KALRN: variants seen among roughly 807,000 people sequenced by gnomAD.
KALRN encodes kalirin.
A neutral mutation model predicts 353.7 loss-of-function variants in KALRN; 70 were observed. The ratio of observed to expected loss-of-function variants is 0.20; its 90% confidence interval spans 0.16 to 0.24. KALRN has a LOEUF of 0.24. Among genes scored for constraint, KALRN ranks in the 10% least tolerant of loss-of-function variants. KALRN has a pLI of 1.00. For synonymous variants in KALRN, 1,391 were observed against 1,434.8 expected, an observed-to-expected ratio of 0.97 and a Z score of 0.69; for missense variants, 2,791 against 3,756.7, an observed-to-expected ratio of 0.74 and a Z score of 6.72.
intron 3 of KALRN, among the ~76,000 whole-genome samples, chr3:124,260,354 C>T (rs901158891): frequency 1.3e-5 from 2 of 152,212 alleles, no homozygotes; most frequent in Admixed American, 6.5e-5. Context: ...CCAGCCTCCA[C>T]TCATGCTCTG....
At chr3:124,124,264 G>C (rs1277964496) in intron 1 of KALRN, among the ~76,000 whole-genome samples, 2 of 152,192 alleles carry the variant, frequency 1.3e-5, no homozygotes, top group East Asian at 1.9e-4. Flanking sequence ...AGGGTTCAAG[G>C]CTTCAGTGGC....
chr3:124,225,442 C>T (rs1321273429), intron 1 of KALRN, among the ~76,000 whole-genome samples: 1 of 152,182 alleles, frequency 6.6e-6, no homozygotes, highest in African/African-American at 2.4e-5. Context: ...CTTGTGGACA[C>T]ACAACCAGGC....
intron 11 of KALRN, among the ~76,000 whole-genome samples, chr3:124,386,036 A>C (rs1032934311): frequency 1.3e-5 from 2 of 152,192 alleles, no homozygotes; most frequent in East Asian, 3.9e-4. Flanking sequence ...ACTGCTTCAC[A>C]GCCTTTTCTG....
At chr3:124,190,267 C>G (rs1468688623) in intron 1 of KALRN, among the ~76,000 whole-genome samples, 3 of 152,254 alleles carry the variant, frequency 2.0e-5, no homozygotes, top group African/African-American at 4.8e-5. Flanking sequence ...GGCTGGCCCC[C>G]CACTGCTCCC....
chr3:124,640,533 C>T (rs1280866117), intron 37 of KALRN, among the ~76,000 whole-genome samples: 1 of 152,104 alleles, frequency 6.6e-6, no homozygotes, highest in Non-Finnish European at 1.5e-5. Flanking sequence ...ATCCACCCAC[C>T]TCAGCCTCCC....
intron 20 of KALRN, 28 bp downstream of exon 20, chr3:124,446,304 C>G (rs1033788369): frequency 2.0e-6 from 3 of 1,534,262 alleles, no homozygotes; most frequent in Non-Finnish European, 2.7e-6. Flanking sequence ...CTGGCACTAT[C>G]TCAGTTCTGG....
At chr3:124,495,729 TAAAAAAAAAA>T (rs1170201040) in intron 32 of KALRN, among the ~76,000 whole-genome samples, 4 of 68,240 alleles carry the variant, frequency 5.9e-5, no homozygotes, top group Middle Eastern at 9.4e-3. Context: ...GACTCCATCT[TAAAAAAAAAA>T]AAAAAAAAAA....
At chr3:124,271,158 A>G (rs1280231396) in intron 5 of KALRN, among the ~76,000 whole-genome samples, 1 of 152,194 alleles carries the variant, frequency 6.6e-6, no homozygotes, top group African/African-American at 2.4e-5. Context: ...AAGATCTGGA[A>G]CATCTCTTTT....
intron 19 of KALRN, among the ~76,000 whole-genome samples, chr3:124,444,248 C>T (rs1344011467): frequency 1.3e-5 from 2 of 152,162 alleles, no homozygotes; most frequent in African/African-American, 4.8e-5. Flanking sequence ...TATTCTGGGA[C>T]CTGGGTCGAA....
chr3:124,075,266 A>G (rs533860696), intron 1 of KALRN, among the ~76,000 whole-genome samples: 1 of 151,784 alleles, frequency 6.6e-6, no homozygotes, highest in Non-Finnish European at 1.5e-5. Flanking sequence ...TTCCTTTAGG[A>G]CTCCCAGGTG....
intron 32 of KALRN, among the ~76,000 whole-genome samples, chr3:124,493,551 T>C (rs1425467068): frequency 6.6e-6 from 1 of 152,128 alleles, no homozygotes; most frequent in African/African-American, 2.4e-5. Flanking sequence ...AAAGAAAGCA[T>C]ACAAAAACTT....
chr3:124,094,694 G>A (rs2061322915), intron 1 of KALRN: 1 of 703,708 alleles, frequency 1.4e-6, no homozygotes, highest in Non-Finnish European at 2.6e-6. Context: ...TGGGAGGACT[G>A]GTGGCTGTCT....
At chr3:124,210,454 G>T (rs990351983) in intron 1 of KALRN, among the ~76,000 whole-genome samples, 2 of 152,070 alleles carry the variant, frequency 1.3e-5, no homozygotes, top group African/African-American at 2.4e-5. Flanking sequence ...TATCCCTAAG[G>T]TTCTCATTTC....
At chr3:124,070,295 A>T (rs145308688) in intron 1 of KALRN, among the ~76,000 whole-genome samples, 1 of 152,194 alleles carries the variant, frequency 6.6e-6, no homozygotes, top group Non-Finnish European at 1.5e-5. Context: ...ACCAAGCTCA[A>T]TGATCCGTGG....
At chr3:124,628,781 A>C in intron 34 of KALRN, among the ~76,000 whole-genome samples, 2 of 115,388 alleles carry the variant, frequency 1.7e-5, no homozygotes. Context: ...GTAGAGACGG[A>C]GTCTTGCCAT....
At chr3:124,673,829 C>T (rs1455892988) in intron 48 of KALRN, among the ~76,000 whole-genome samples, 2 of 152,112 alleles carry the variant, frequency 1.3e-5, no homozygotes, top group East Asian at 1.9e-4. Flanking sequence ...AAGGGTAGGT[C>T]ATGGTCTTGC....
At chr3:124,365,831 T>C (rs1010764060) in intron 10 of KALRN, among the ~76,000 whole-genome samples, 5 of 152,222 alleles carry the variant, frequency 3.3e-5, no homozygotes, top group Non-Finnish European at 5.9e-5. Context: ...ATGATGGTGA[T>C]AGGGAAGGCT....
At chr3:124,545,883 C>G (rs2069579303) in intron 33 of KALRN, among the ~76,000 whole-genome samples, 1 of 152,104 alleles carries the variant, frequency 6.6e-6, no homozygotes, top group Non-Finnish European at 1.5e-5. Flanking sequence ...TCTCTCAGCC[C>G]AAGCTCAGAA....
At chr3:124,151,504 G>C (rs937747092) in intron 1 of KALRN, among the ~76,000 whole-genome samples, 5 of 152,122 alleles carry the variant, frequency 3.3e-5, no homozygotes, top group African/African-American at 1.2e-4. Context: ...TTTGTAAGGT[G>C]AATCTTCATG....
Sources: gnomAD v4.1 joint callset for allele counts (sites outside exome capture counted in the v4.1 genomes callset) on GRCh38, gnomAD v4.1.1 for gene constraint, MANE v1.5 for transcripts, NCBI Gene and HGNC (gene_info 2026-07-23, HGNC 2026-07-21) for gene names.